CENPK: variants seen among roughly 807,000 people sequenced by gnomAD.
The protein encoded by CENPK is centromere protein K, also known as SoxLZ/Sox6-binding protein Solt.
A neutral mutation model predicts 40.9 loss-of-function variants in CENPK; 46 were observed. That is an observed-to-expected ratio of 1.13 (90% CI 0.89 to 1.44). The LOEUF is 1.44. Among genes scored for constraint, CENPK ranks in the 40% most tolerant of loss-of-function variants. The pLI is 0.00. For missense variants in CENPK, 288 were observed against 303.5 expected, an observed-to-expected ratio of 0.95 and a Z score of 0.38; for synonymous variants, 107 against 104.4, an observed-to-expected ratio of 1.02 and a Z score of -0.15.
At chr5:65,554,974 G>T (rs1229570346) in intron 2 of CENPK, 28 bp from the exon 3 acceptor site, 5 of 950,476 alleles carry the variant, frequency 5.3e-6, no homozygotes, top group Admixed American at 1.8e-5. Context: ...TATTCATTCA[G>T]CAGTATTGGT....
chr5:65,547,208 C>T (rs1749153973), intron 5 of CENPK, among the ~76,000 whole-genome samples: 2 of 151,974 alleles, frequency 1.3e-5, no homozygotes, highest in African/African-American at 4.8e-5. Flanking sequence ...GCCTGGCCAA[C>T]ATGGCAAAAC....
At position 65,551,381 on chromosome 5, in the gene CENPK, G is replaced by A. The variant is rs753154246; in HGVS notation, c.241+183C>T. On this transcript the variant is annotated intron_variant, in intron 5 of 10. Transcript: ENST00000396679. ...CTTATTATAATCTAATGTAAGATAT[G>A]TTTATCAATAATAATAAAAGAAGTA... is the stretch of plus-strand genomic sequence containing the variant. 150 of 470,328 alleles carry A rather than the reference G, an allele frequency of 3.2e-4. 2 individuals carry two copies. Among genetic ancestry groups the A allele is most frequent in the South Asian group, 7.6e-4 (25 of 32,900 alleles). The allele number at this position is 470,328 out of a possible 1,614,324, so 29.1% of individuals were successfully genotyped here.
chr5:65,502,957 C>T, the CENPK span, among the ~76,000 whole-genome samples: 2 of 151,878 alleles, frequency 1.3e-5, no homozygotes, highest in East Asian at 1.9e-4. Context: ...AGGCACCATG[C>T]CTGGCTAATT....
At chr5:65,511,538 C>T in the CENPK span, among the ~76,000 whole-genome samples, 1 of 152,168 alleles carries the variant, frequency 6.6e-6, no homozygotes, top group Non-Finnish European at 1.5e-5. Context: ...TCCTAGGGCC[C>T]TTAAGAATTA....
At chr5:65,561,647 C>T (rs1751986694) in intron 1 of CENPK, 83 bp from the exon 2 acceptor site, 3 of 321,324 alleles carry the variant, frequency 9.3e-6, no homozygotes, top group African/African-American at 2.1e-5. Flanking sequence ...CCCGTTCCCA[C>T]ATTTTGTATC....
At chr5:65,520,392 A>G (rs1293140441) in intron 10 of CENPK, among the ~76,000 whole-genome samples, 4 of 152,180 alleles carry the variant, frequency 2.6e-5, no homozygotes, top group African/African-American at 9.7e-5. Flanking sequence ...ATACAGTCTT[A>G]GGTATTTCTT....
the CENPK span, among the ~76,000 whole-genome samples, chr5:65,509,820 T>C: frequency 6.6e-6 from 1 of 152,252 alleles, no homozygotes; most frequent in Non-Finnish European, 1.5e-5. Context: ...TGTCTCTCTG[T>C]AACATTTTGA....
At chr5:65,506,219 TAAA>T in the CENPK span, among the ~76,000 whole-genome samples, 3 of 143,006 alleles carry the variant, frequency 2.1e-5, no homozygotes, top group Admixed American at 6.9e-5. Context: ...TCCCATTTCT[TAAA>T]AAAAAAAAAA....
chr5:65,507,429 G>A, the CENPK span, among the ~76,000 whole-genome samples: 6 of 152,274 alleles, frequency 3.9e-5, no homozygotes, highest in Admixed American at 1.3e-4. Context: ...GTTAGAAAGC[G>A]AGAAGGGAGA....
chr5:65,537,424 C>T (rs1747120857), intron 6 of CENPK, among the ~76,000 whole-genome samples: 1 of 152,170 alleles, frequency 6.6e-6, no homozygotes, highest in African/African-American at 2.4e-5. Flanking sequence ...CCTGCCTCAG[C>T]CTCCCAAGTA....
At chr5:65,529,444 A>C (rs1745330415) in intron 6 of CENPK, 1 of 374,612 alleles carries the variant, frequency 2.7e-6, no homozygotes, top group African/African-American at 2.1e-5. Flanking sequence ...TTGAAAGGCA[A>C]AATAATGGTG....
chr5:65,518,292 C>A lies in CENPK; in HGVS notation c.*183G>T. On this transcript the variant is annotated 3_prime_UTR_variant, in exon 11 of 11. Transcript: ENST00000396679. ...ATATAGTTTAAAACACTAAAGCACTCACTGAATAAGAAATGACCATTTAAA... is the reference window on the plus strand; with the variant it reads ...ATATAGTTTAAAACACTAAAGCACTAACTGAATAAGAAATGACCATTTAAA... 1 of 578,060 alleles carries A rather than the reference C, an allele frequency of 1.7e-6. No homozygotes were observed. Among genetic ancestry groups the A allele is most frequent in the East Asian group, 3.0e-5 (1 of 32,886 alleles). The allele number at this position is 578,060 out of a possible 1,614,324, so 35.8% of individuals were successfully genotyped here. A position where few individuals can be genotyped will look rare whatever the true frequency, so the allele number is the denominator to read the frequency against.
In CENPK at chr5:65,517,902, T is replaced by C. The variant is rs1366225240; in HGVS notation, c.*573A>G. On this transcript the variant is annotated 3_prime_UTR_variant, in exon 11 of 11. Transcript: ENST00000396679. ...ATAAGGTAACATGATATATTAATAA[T>C]ACAAACTAAAATATCAATTTTATGC... 1 of 152,066 alleles carries C rather than the reference T, an allele frequency of 6.6e-6. No homozygotes were observed. The highest frequency in any genetic ancestry group is 2.4e-5 in the African/African-American group (1 of 41,456). The allele number at this position is 152,066 out of a possible 1,614,324, so 9.4% of individuals were successfully genotyped here.
chr5:65,502,343 T>G, the CENPK span, among the ~76,000 whole-genome samples: 1 of 152,178 alleles, frequency 6.6e-6, no homozygotes, highest in Non-Finnish European at 1.5e-5. Flanking sequence ...GTGTCCCTCT[T>G]TGTGTCCCAA....
At position 65,552,478 on chromosome 5, in the gene CENPK, GA is replaced by G; in HGVS notation, c.168+14del. 1 of 1,486,386 alleles carries G rather than the reference GA, an allele frequency of 6.7e-7. No homozygotes were observed. Among genetic ancestry groups the G allele is most frequent in the Non-Finnish European group, 9.1e-7 (1 of 1,104,094 alleles). 92.1% of individuals were successfully genotyped at this position (1,486,386 alleles called of 1,614,324 possible). On this transcript the variant is annotated intron_variant, in intron 4 of 10. Coordinates refer to ENST00000396679, the MANE Select transcript of CENPK (RefSeq NM_022145.5). ...CCACTTACCTTGTATTTTTTAGGAA[GA>G]AAAAGATTCATACCTGAGCATTTGA...
intron 10 of CENPK, among the ~76,000 whole-genome samples, chr5:65,519,535 G>A (rs930020401): frequency 1.3e-5 from 2 of 152,146 alleles, no homozygotes; most frequent in African/African-American, 4.8e-5. Flanking sequence ...GTGGATCTTG[G>A]ATTAGACTCC....
At chr5:65,528,614 T>G in intron 8 of CENPK, 36 bp from the exon 9 acceptor site, 3 of 1,476,284 alleles carry the variant, frequency 2.0e-6, no homozygotes. Context: ...AACATTTAAC[T>G]GATAAAACAC....
At chr5:65,558,849 C>T (rs138633322) in intron 2 of CENPK, among the ~76,000 whole-genome samples, 47 of 152,212 alleles carry the variant, frequency 3.1e-4, no homozygotes, top group Non-Finnish European at 5.1e-4. Context: ...GTTATTGGAT[C>T]ATCTATAAGG....
intron 3 of CENPK, among the ~76,000 whole-genome samples, chr5:65,554,277 G>A (rs115033938): frequency 0.011 from 1,668 of 152,026 alleles, 22 homozygotes; most frequent in South Asian, 0.033. Flanking sequence ...TTAGCCACCC[G>A]AGTAGCTGAG....
Sources: gnomAD v4.1 joint callset for allele counts (sites outside exome capture counted in the v4.1 genomes callset) on GRCh38, gnomAD v4.1.1 for gene constraint, MANE v1.5 for transcripts, NCBI Gene and HGNC (gene_info 2026-07-23, HGNC 2026-07-21) for gene names.